The following RNF220 variants were observed in gnomAD, a reference collection of about 807,000 sequenced individuals.
The protein encoded by RNF220 is E3 ubiquitin-protein ligase RNF220.
In RNF220, 7 loss-of-function variants were observed where a neutral mutation model predicts 67.1. The ratio of observed to expected loss-of-function variants is 0.10; its 90% confidence interval spans 0.06 to 0.20. The LOEUF is 0.20. Among genes scored for constraint, RNF220 ranks in the 10% least tolerant of loss-of-function variants. The pLI, the probability that RNF220 is intolerant of heterozygous loss-of-function variation, is 1.00. For missense variants in RNF220, 565 were observed against 740.3 expected (o/e 0.76, Z 2.75); for synonymous variants, 270 against 283.2 (o/e 0.95, Z 0.47).
intron 2 of RNF220, among the ~76,000 whole-genome samples, chr1:44,546,882 G>A (rs766299053): frequency 5.9e-5 from 9 of 152,282 alleles, no homozygotes; most frequent in South Asian, 2.1e-4. Flanking sequence ...CTCTCCAGGC[G>A]CCTCCTGGCG....
intron 2 of RNF220, among the ~76,000 whole-genome samples, chr1:44,529,348 TACAC>T (rs143407827): frequency 1.3e-5 from 2 of 149,892 alleles, no homozygotes; most frequent in South Asian, 4.2e-4. Context: ...AAAAAGGAAT[TACAC>T]ACACACACAC....
intron 2 of RNF220, among the ~76,000 whole-genome samples, chr1:44,529,748 C>A (rs1660688479): frequency 6.6e-6 from 1 of 152,000 alleles, no homozygotes; most frequent in Non-Finnish European, 1.5e-5. Context: ...CTTCATAGGC[C>A]ACTTTACACA....
rs150263963 is a variant in RNF220 at position 44,595,372 on chromosome 1, C to T, written c.626-18793C>T. On this transcript the variant is annotated intron_variant, in intron 2 of 14. Transcript: ENST00000361799. The stretch of plus-strand genomic sequence containing the variant: ...TCCAGGACGCCCGGGCCCTGTGGTC[C>T]ATCTGGCCCAGCCAGTCCTGCACCC... Among the ~76,000 whole-genome samples the T allele has an allele frequency of 9.2e-5, 14 of 152,318 alleles. No homozygotes were observed. The East Asian group carries it at 2.7e-3, about 29-fold the overall frequency.
At chr1:44,488,648 C>T (rs1656561222) in intron 2 of RNF220, among the ~76,000 whole-genome samples, 2 of 151,596 alleles carry the variant, frequency 1.3e-5, no homozygotes, top group African/African-American at 4.8e-5. Context: ...ATATGTTTTA[C>T]ATCATGACTC....
At chr1:44,519,330 GAC>G (rs1386674343) in intron 2 of RNF220, among the ~76,000 whole-genome samples, 3 of 152,164 alleles carry the variant, frequency 2.0e-5, no homozygotes, top group African/African-American at 7.2e-5. Flanking sequence ...TAATAAATCA[GAC>G]AAAGTCAAGA....
At chr1:44,614,496 T>C (rs561947264) in intron 3 of RNF220, among the ~76,000 whole-genome samples, 199 bp downstream of exon 3, 48 of 152,216 alleles carry the variant, frequency 3.2e-4, no homozygotes, top group African/African-American at 1.1e-3. Flanking sequence ...GCTCTATTTT[T>C]GGAGATGGGA....
chr1:44,567,302 G>T (rs762535660), intron 2 of RNF220, among the ~76,000 whole-genome samples: 7 of 152,074 alleles, frequency 4.6e-5, no homozygotes, highest in African/African-American at 7.2e-5. Context: ...AGCTGTTGGG[G>T]ATTAGAACAT....
rs537638294 is a variant in RNF220 at position 44,487,672 on chromosome 1, A to AAAT, written c.625+74986_625+74988dup. Reference sequence around the variant, plus strand: ...ACATGGTGAAACCCCATCTCTACTAAAATAATAATAATAATAATAATAATA... The same window carrying AAAT: ...ACATGGTGAAACCCCATCTCTACTAAAATAATAATAATAATAATAATAATAATA... On this transcript the variant is annotated intron_variant, in intron 2 of 14. Transcript: ENST00000361799. Among the ~76,000 whole-genome samples the AAAT allele has an allele frequency of 7.8e-3, 1,109 of 142,538 alleles. 18 individuals carry two copies. The highest frequency in any genetic ancestry group is 0.026 in the African/African-American group (1,040 of 39,304). 93.5% of individuals were successfully genotyped at this position (142,538 alleles called of 152,430 possible).
At chr1:44,553,364 G>A (rs1327170287) in intron 2 of RNF220, among the ~76,000 whole-genome samples, 1 of 119,308 alleles carries the variant, frequency 8.4e-6, no homozygotes, top group African/African-American at 3.2e-5. Context: ...AATATTTGCT[G>A]AGTATAAGAA....
intron 12 of RNF220, among the ~76,000 whole-genome samples, chr1:44,647,090 C>A (rs951512520): frequency 3.3e-5 from 5 of 152,182 alleles, no homozygotes; most frequent in African/African-American, 1.2e-4. Flanking sequence ...GGCTATTGGC[C>A]TTCAGTGGGG....
Position 44,650,925 on chromosome 1 carries a change from TAC to T in RNF220, c.*155_*156del. On this transcript the variant is annotated 3_prime_UTR_variant, in exon 15 of 15. Transcript: ENST00000361799. This position sits in a 1 kb window ranked among gnomAD's most constrained non-coding sequence, Gnocchi z 4.3. ...AAACATGCGTACACACACACACATTTACACACGCAGGACTCTGGAGCCAGAGT... is the reference window on the plus strand; with the variant it reads ...AAACATGCGTACACACACACACATTTACACGCAGGACTCTGGAGCCAGAGT... 2.9e-6 allele frequency: 2 copies of T among 692,764 alleles called. No homozygotes were observed. The highest frequency in any genetic ancestry group is 2.6e-6 in the Non-Finnish European group (1 of 391,934). 42.9% of individuals were successfully genotyped at this position (692,764 alleles called of 1,614,324 possible).
chr1:44,457,134 C>A (rs576888013), intron 2 of RNF220, among the ~76,000 whole-genome samples: 100 of 152,228 alleles, frequency 6.6e-4, no homozygotes, highest in Middle Eastern at 3.4e-3. Flanking sequence ...ACCCTCCCAA[C>A]ACTCTACCTT....
intron 2 of RNF220, among the ~76,000 whole-genome samples, chr1:44,523,626 C>T (rs915702131): frequency 6.6e-6 from 1 of 152,130 alleles, no homozygotes; most frequent in Non-Finnish European, 1.5e-5. Context: ...AGGTCCAAGA[C>T]CAAGTGGTGC....
chr1:44,594,214 C>A (rs761687903), intron 2 of RNF220, among the ~76,000 whole-genome samples: 9 of 152,152 alleles, frequency 5.9e-5, no homozygotes, highest in Non-Finnish European at 1.3e-4. Flanking sequence ...AGTGAAAGGC[C>A]CCCAAGAGAA....
chr1:44,625,746 G>A (rs1643919299), intron 4 of RNF220, among the ~76,000 whole-genome samples: 1 of 151,946 alleles, frequency 6.6e-6, no homozygotes, highest in Admixed American at 6.6e-5. Context: ...ATGTAGAAGA[G>A]GCCATACAAG....
At chr1:44,441,697 G>C (rs1042987145) in intron 2 of RNF220, among the ~76,000 whole-genome samples, 3 of 152,212 alleles carry the variant, frequency 2.0e-5, no homozygotes, top group Non-Finnish European at 4.4e-5. Flanking sequence ...AAGAAGGTTA[G>C]TGATCTCAGT....
At chr1:44,437,696 C>T (rs1651120372) in intron 2 of RNF220, among the ~76,000 whole-genome samples, 1 of 152,190 alleles carries the variant, frequency 6.6e-6, no homozygotes, top group Admixed American at 6.5e-5. Flanking sequence ...AAAAGCACCT[C>T]TTAGACCTGG....
chr1:44,564,309 A>G (rs1663813903), intron 2 of RNF220, among the ~76,000 whole-genome samples: 1 of 152,192 alleles, frequency 6.6e-6, no homozygotes, highest in Non-Finnish European at 1.5e-5. Flanking sequence ...AAGTGGGCTG[A>G]ACGTTGGACT....
At chr1:44,524,086 G>A (rs1200909050) in intron 2 of RNF220, among the ~76,000 whole-genome samples, 1 of 149,130 alleles carries the variant, frequency 6.7e-6, no homozygotes, top group Non-Finnish European at 1.5e-5. Flanking sequence ...TGGCTAGAGT[G>A]GGGGCCCAAA....
Sources: allele counts gnomAD v4.1 joint callset (sites outside exome capture counted in the v4.1 genomes callset), GRCh38; gene constraint gnomAD v4.1.1; non-coding constraint Gnocchi (gnomAD v3.1); transcripts MANE v1.5; gene names NCBI Gene and HGNC (gene_info 2026-07-23, HGNC 2026-07-21).